The following DAB1 variants were observed in gnomAD, a reference collection of about 807,000 sequenced individuals.
DAB1 encodes disabled homolog 1.
A neutral mutation model predicts 64.6 loss-of-function variants in DAB1; 15 were observed. That is an observed-to-expected ratio of 0.23 (90% CI 0.16 to 0.36). The LOEUF (loss-of-function observed/expected upper bound fraction) is 0.36, where lower values mean the gene tolerates loss of function less well. DAB1 is among the 10% of genes least tolerant of loss of function. DAB1 has a pLI of 1.00. For missense variants in DAB1, 596 were observed against 706.7 expected (o/e 0.84, Z 1.78); for synonymous variants, 235 against 251.9 (o/e 0.93, Z 0.64).
At chr1:58,148,419 G>C (rs954741182) in intron 5 of DAB1, among the ~76,000 whole-genome samples, 2 of 152,212 alleles carry the variant, frequency 1.3e-5, no homozygotes, top group Non-Finnish European at 1.5e-5. Flanking sequence ...ACTGTGACCT[G>C]AAAGATGCTA....
intron 1 of DAB1, among the ~76,000 whole-genome samples, chr1:57,422,358 G>T (rs79382652): frequency 6.6e-6 from 1 of 152,170 alleles, no homozygotes; most frequent in African/African-American, 2.4e-5. Context: ...CATCCAGCTC[G>T]CAGGAGGGCT....
At chr1:57,687,698 T>C (rs952290525) in intron 6 of DAB1, among the ~76,000 whole-genome samples, 1 of 150,040 alleles carries the variant, frequency 6.7e-6, no homozygotes, top group Non-Finnish European at 1.5e-5. Flanking sequence ...CAAAATAGCA[T>C]GGTACTGGTA....
chr1:58,033,506 C>T (rs1244285454), intron 5 of DAB1, among the ~76,000 whole-genome samples: 1 of 152,216 alleles, frequency 6.6e-6, no homozygotes, highest in Non-Finnish European at 1.5e-5. Flanking sequence ...AAACATTCTT[C>T]ATCCAGCAAA....
At chr1:57,075,909 G>A (rs1651944444) in intron 4 of DAB1, among the ~76,000 whole-genome samples, 1 of 152,204 alleles carries the variant, frequency 6.6e-6, no homozygotes, top group Admixed American at 6.5e-5. Context: ...GCTGGGATGA[G>A]GAAGGCAAGG....
intron 1 of DAB1, among the ~76,000 whole-genome samples, chr1:57,399,011 CT>C (rs1367543825): frequency 6.6e-6 from 1 of 152,178 alleles, no homozygotes; most frequent in East Asian, 1.9e-4. Flanking sequence ...TATAAATGGG[CT>C]TTTCACAGCT....
At chr1:57,760,406 T>C (rs1418224348) in intron 6 of DAB1, among the ~76,000 whole-genome samples, 1 of 152,070 alleles carries the variant, frequency 6.6e-6, no homozygotes, top group African/African-American at 2.4e-5. Context: ...TTTACTACTA[T>C]CATTTTTGAG....
chr1:58,218,568 T>C (rs1027347123), intron 4 of DAB1, among the ~76,000 whole-genome samples: 1 of 152,126 alleles, frequency 6.6e-6, no homozygotes, highest in Non-Finnish European at 1.5e-5. Context: ...ATGTTTGTGT[T>C]TTAGACCATG....
chr1:57,622,775 T>A (rs1156246340), intron 7 of DAB1, among the ~76,000 whole-genome samples: 1 of 152,194 alleles, frequency 6.6e-6, no homozygotes, highest in Admixed American at 6.5e-5. Context: ...ATTTTCTCTA[T>A]GAAGTGTATG....
At chr1:57,082,980 G>A (rs767502712) in intron 4 of DAB1, among the ~76,000 whole-genome samples, 6 of 152,262 alleles carry the variant, frequency 3.9e-5, no homozygotes, top group Middle Eastern at 3.4e-3. Flanking sequence ...TGAGTGGGTC[G>A]GGGTGCAGAT....
intron 1 of DAB1, among the ~76,000 whole-genome samples, chr1:57,389,079 G>A (rs1423771521): frequency 6.6e-6 from 1 of 152,146 alleles, no homozygotes; most frequent in Non-Finnish European, 1.5e-5. Context: ...ATTTTAAACA[G>A]GAGACATGGG....
intron 4 of DAB1, among the ~76,000 whole-genome samples, chr1:58,261,708 TTTTTTGTTTTTG>T (rs150081832): frequency 0.017 from 2,609 of 152,108 alleles, 41 homozygotes; most frequent in Middle Eastern, 0.058. Flanking sequence ...ATCAATTTGT[TTTTTTGTTTTTG>T]TTTTTGTTTT....
intron 6 of DAB1, among the ~76,000 whole-genome samples, chr1:57,794,833 C>T (rs1232072065): frequency 2.0e-5 from 3 of 152,176 alleles, no homozygotes; most frequent in African/African-American, 7.2e-5. Flanking sequence ...ACTCTTCTCA[C>T]CTAGACCTAA....
At chr1:57,693,503 C>A (rs944947916) in intron 6 of DAB1, among the ~76,000 whole-genome samples, 28 of 152,152 alleles carry the variant, frequency 1.8e-4, no homozygotes, top group Non-Finnish European at 2.8e-4. Context: ...GACCAATCAG[C>A]ACTCTGTAAA....
At chr1:57,644,869 G>A (rs1048285746) in intron 7 of DAB1, among the ~76,000 whole-genome samples, 7 of 152,064 alleles carry the variant, frequency 4.6e-5, no homozygotes, top group Non-Finnish European at 1.0e-4. Flanking sequence ...TTCAGAATCC[G>A]GAAGCATGAG....
intron 14 of DAB1, among the ~76,000 whole-genome samples, chr1:57,009,520 G>A (rs983389953): frequency 2.0e-5 from 3 of 152,128 alleles, no homozygotes; most frequent in African/African-American, 7.2e-5. Context: ...ACTTACGTGT[G>A]GGCTAAGACT....
intron 5 of DAB1, among the ~76,000 whole-genome samples, chr1:58,033,342 A>G (rs2100485843): frequency 6.6e-6 from 1 of 152,196 alleles, no homozygotes; most frequent in East Asian, 1.9e-4. Context: ...GTGTCCTTTC[A>G]TCCCACTTAT....
In DAB1 at chr1:57,495,001, T is replaced by C. The variant is rs144646708; in HGVS notation, n.625+154591A>G. Among the ~76,000 whole-genome samples, 757 of 152,302 alleles carry C rather than the reference T, an allele frequency of 5.0e-3. 10 individuals carry two copies. Among genetic ancestry groups the C allele is most frequent in the African/African-American group, 0.018 (729 of 41,552 alleles). ...AACTGAATCACAATTCGAGCCATTC[T>C]CAACAGCCTGGAACACTGAGCTGAA... On this transcript the variant is annotated intron_variant and non_coding_transcript_variant, in intron 7 of 20. Transcript: ENST00000485760.
In DAB1 at chr1:57,318,666, G is replaced by A. The variant is rs146157025; in HGVS notation, c.-136-27500C>T. On this transcript the variant is annotated intron_variant, in intron 1 of 14. Transcript: ENST00000371236. Reference sequence around the variant, plus strand: ...CTCTATTAGAGAAAATATGCATAGGGCACGTTGACTCAATATAATAAATGC... The same window carrying A: ...CTCTATTAGAGAAAATATGCATAGGACACGTTGACTCAATATAATAAATGC... 3.7e-3 allele frequency among the ~76,000 whole-genome samples: 554 copies of A among 150,182 alleles called. 3 individuals are homozygous for A. The highest frequency in any genetic ancestry group is 0.013 in the African/African-American group (526 of 40,664).
intron 3 of DAB1, among the ~76,000 whole-genome samples, chr1:58,416,300 T>C (rs1433318132): frequency 6.6e-6 from 1 of 152,186 alleles, no homozygotes; most frequent in Non-Finnish European, 1.5e-5. Context: ...CCCAGCTGCA[T>C]GACCCCAAAG....
Sources: allele counts gnomAD v4.1 joint callset (sites outside exome capture counted in the v4.1 genomes callset), GRCh38; gene constraint gnomAD v4.1.1; transcripts MANE v1.5; gene names NCBI Gene and HGNC (gene_info 2026-07-23, HGNC 2026-07-21).